The following NIPAL4 variants were observed in gnomAD, a reference collection of about 807,000 sequenced individuals.
The protein encoded by NIPAL4 is NIPA like domain containing 4.
A neutral mutation model predicts 31.6 loss-of-function variants in NIPAL4; 21 were observed. The observed-to-expected ratio is 0.67, with a 90% CI of 0.47 to 0.96. The LOEUF (loss-of-function observed/expected upper bound fraction) is 0.96, where lower values mean the gene tolerates loss of function less well. NIPAL4 is among the 40% of genes least tolerant of loss of function. NIPAL4 has a pLI of 0.00. For missense variants in NIPAL4, 438 were observed against 508.0 expected (o/e 0.86, Z 1.32); for synonymous variants, 175 against 211.1 (o/e 0.83, Z 1.48).
intron 4 of NIPAL4, among the ~76,000 whole-genome samples, chr5:157,469,641 C>G (rs1754370512): frequency 1.3e-5 from 2 of 152,196 alleles, no homozygotes; most frequent in South Asian, 4.1e-4. Context: ...CTTCCCACTG[C>G]CCCTAGTCCC....
In NIPAL4 at chr5:157,471,724, T is replaced by G; in HGVS notation, c.493T>G (p.Cys165Gly). 1 of 1,608,148 alleles carries G rather than the reference T, an allele frequency of 6.2e-7. No individual in the cohort carries two copies. Among genetic ancestry groups the G allele is most frequent in the Non-Finnish European group, 8.5e-7 (1 of 1,177,182 alleles). ...NLLGKLGCVI[C>G]VAGSTVMVIH... ...GCTGGGGAAGCTGGGCTGTGTGATCTGTGTGGCCGGAAGCACAGTGATGGT... is the reference window on the plus strand; with the variant it reads ...GCTGGGGAAGCTGGGCTGTGTGATCGGTGTGGCCGGAAGCACAGTGATGGT... The change falls in exon 5 of 6, where the codon TGT becomes GGT. Residue 165 changes from cysteine to glycine, a missense_variant. Transcript: ENST00000311946.
chr5:157,470,883 G>C (rs1339913932), intron 4 of NIPAL4, among the ~76,000 whole-genome samples: 2 of 152,206 alleles, frequency 1.3e-5, no homozygotes, highest in African/African-American at 4.8e-5. Context: ...TGTCCATTGG[G>C]AAGGCAGTTA....
intron 4 of NIPAL4, among the ~76,000 whole-genome samples, chr5:157,469,886 A>G (rs1307706825): frequency 1.3e-5 from 2 of 152,300 alleles, no homozygotes; most frequent in Non-Finnish European, 2.9e-5. Context: ...CTGGCCTAAC[A>G]CAGCTGATGT....
intron 4 of NIPAL4, 55 bp downstream of exon 4, chr5:157,468,867 G>A: frequency 7.8e-7 from 1 of 1,287,430 alleles, no homozygotes; most frequent in Non-Finnish European, 1.1e-6. Context: ...AGTTTGTTGA[G>A]GCCTGGAATT....
intron 4 of NIPAL4, among the ~76,000 whole-genome samples, chr5:157,470,209 C>A (rs570035700): frequency 6.6e-6 from 1 of 152,154 alleles, no homozygotes; most frequent in Non-Finnish European, 1.5e-5. Context: ...CAGAAGCATG[C>A]CCCCGTGATT....
In NIPAL4 at chr5:157,471,638, C is replaced by A. The variant is rs918904485; in HGVS notation, c.426-19C>A. Reference sequence around the variant, plus strand: ...CAGGCATGGCTGCTCTAATCCCCTTCTCCCATTTCCACGTGCAGTGCCATC... The same window carrying A: ...CAGGCATGGCTGCTCTAATCCCCTTATCCCATTTCCACGTGCAGTGCCATC... On this transcript the variant is annotated intron_variant, in intron 4 of 5. Coordinates refer to ENST00000311946, the MANE Select transcript of NIPAL4 (RefSeq NM_001099287.2). 6.3e-7 allele frequency: 1 copy of A among 1,592,396 alleles called. No homozygotes were observed. Among genetic ancestry groups the A allele is most frequent in the African/African-American group, 1.3e-5 (1 of 74,730 alleles).
At chr5:157,465,472 T>G (rs1038871614) in intron 2 of NIPAL4, among the ~76,000 whole-genome samples, 2 of 152,160 alleles carry the variant, frequency 1.3e-5, no homozygotes, top group Non-Finnish European at 2.9e-5. Flanking sequence ...AACATAAATT[T>G]TTGGATTTTT....
intron 3 of NIPAL4, chr5:157,467,428 C>A: frequency 3.2e-6 from 1 of 315,134 alleles, no homozygotes. Flanking sequence ...ATGGTAGAAG[C>A]TGGAACTCCT....
chr5:157,462,967 G>A (rs1754147419), intron 1 of NIPAL4, 127 bp from the exon 2 acceptor site: 1 of 1,181,386 alleles, frequency 8.5e-7, no homozygotes. Flanking sequence ...TTTAGGTGGA[G>A]GCACGGTATA....
rs753593852 is a variant in NIPAL4 at position 157,467,114 on chromosome 5, G to C, written c.334+9G>C. 4.5e-6 allele frequency: 7 copies of C among 1,542,246 alleles called. No homozygotes were observed. Among genetic ancestry groups the C allele is most frequent in the Non-Finnish European group, 6.2e-6 (7 of 1,132,670 alleles). ...GGCTGGATTTCTCACCAGTAAGTGG[G>C]TTGTTTGTTACTAATAACAGTGGCC... is the stretch of plus-strand genomic sequence containing the variant. On this transcript the variant is annotated intron_variant, in intron 3 of 5. Coordinates refer to ENST00000311946, the MANE Select transcript of NIPAL4 (RefSeq NM_001099287.2).
rs1338614522 is a variant in NIPAL4, at chr5:157,460,259, C to T, written c.-62C>T. 7 of 1,541,262 alleles carry T rather than the reference C, an allele frequency of 4.5e-6. No homozygotes were observed. Among genetic ancestry groups the T allele is most frequent in the Non-Finnish European group, 6.1e-6 (7 of 1,143,230 alleles). Reference sequence around the variant, plus strand: ...GCGGGGGACAAGTCGCGGCCACCTGCTCCGGAGCTGGGGAGCCCGGGCGCC... The same window carrying T: ...GCGGGGGACAAGTCGCGGCCACCTGTTCCGGAGCTGGGGAGCCCGGGCGCC... On this transcript the variant is annotated 5_prime_UTR_variant, in exon 1 of 6. Coordinates refer to ENST00000311946, the MANE Select transcript of NIPAL4 (RefSeq NM_001099287.2).
At chr5:157,470,714 A>G (rs1358330665) in intron 4 of NIPAL4, among the ~76,000 whole-genome samples, 1 of 152,228 alleles carries the variant, frequency 6.6e-6, no homozygotes, top group Non-Finnish European at 1.5e-5. Flanking sequence ...GCAGAGATAG[A>G]GCAAAAAATA....
At chr5:157,460,414 T>A (rs1754060068) in intron 1 of NIPAL4, 57 bp downstream of exon 1, 1 of 1,462,952 alleles carries the variant, frequency 6.8e-7, no homozygotes, top group Non-Finnish European at 9.3e-7. Context: ...CCTCCCCTCC[T>A]TGCCACCGCT....
chr5:157,467,041 C>T lies in NIPAL4; in HGVS notation c.278-8C>T. On this transcript the variant is annotated splice_region_variant and splice_polypyrimidine_tract_variant and intron_variant, in intron 2 of 5. Transcript: ENST00000311946. ...TCCATCCTAACTTTGTGTCCATTCC[C>T]TCCACAGTGGATGGAGGCTTCGGCT... 6.2e-7 allele frequency: 1 copy of T among 1,610,506 alleles called. No homozygotes were observed.
At chr5:157,465,143 G>A (rs1754218426) in intron 2 of NIPAL4, among the ~76,000 whole-genome samples, 1 of 152,158 alleles carries the variant, frequency 6.6e-6, no homozygotes, top group South Asian at 2.1e-4. Flanking sequence ...GCTGTGAGGT[G>A]CAGAGATGAA....
chr5:157,466,453 G>C (rs1460975236), intron 2 of NIPAL4, among the ~76,000 whole-genome samples: 1 of 152,176 alleles, frequency 6.6e-6, no homozygotes, highest in Non-Finnish European at 1.5e-5. Context: ...AAAGACGACT[G>C]GCTGCCATGA....
intron 2 of NIPAL4, among the ~76,000 whole-genome samples, chr5:157,464,945 T>C (rs11745566): frequency 0.064 from 9,741 of 152,206 alleles, 354 homozygotes; most frequent in Middle Eastern, 0.085. Flanking sequence ...AAATGCAACA[T>C]AGTTAGAATC....
chr5:157,470,292 G>A (rs1439098013), intron 4 of NIPAL4, among the ~76,000 whole-genome samples: 2 of 152,092 alleles, frequency 1.3e-5, no homozygotes, highest in Non-Finnish European at 2.9e-5. Flanking sequence ...GATATGAGGG[G>A]AATAGAAATC....
chr5:157,463,882 A>C (rs1754182603), intron 2 of NIPAL4, among the ~76,000 whole-genome samples: 1 of 152,112 alleles, frequency 6.6e-6, no homozygotes, highest in Non-Finnish European at 1.5e-5. Flanking sequence ...TCCTGTGCAA[A>C]ATGACTCATT....
Sources: gnomAD v4.1 joint callset for allele counts (sites outside exome capture counted in the v4.1 genomes callset) on GRCh38, gnomAD v4.1.1 for gene constraint, MANE v1.5 for transcripts, NCBI Gene and HGNC (gene_info 2026-07-23, HGNC 2026-07-21) for gene names.